Variants in DPP9 observed in about 807,000 individuals in gnomAD.
The protein encoded by DPP9 is dipeptidyl peptidase 9, also known as dipeptidyl peptidase IV-related protein-2.
DPP9 carries 50 observed loss-of-function variants against 110.7 expected under a neutral mutation model. That is an observed-to-expected ratio of 0.45 (90% CI 0.36 to 0.57). DPP9 has a LOEUF of 0.57. Ranked by LOEUF, DPP9 falls within the 20% of genes least tolerant of loss-of-function variation. DPP9 has a pLI of 0.00. For missense variants in DPP9, 1,022 were observed against 1,217.9 expected, an observed-to-expected ratio of 0.84 and a Z score of 2.39; for synonymous variants, 561 against 514.4, an observed-to-expected ratio of 1.09 and a Z score of -1.23.
At chr19:4,711,772 CAAAAAAAAAAAAAAAA>C (rs752279327) in intron 4 of DPP9, among the ~76,000 whole-genome samples, 1 of 44,336 alleles carries the variant, frequency 2.3e-5, no homozygotes, top group Admixed American at 3.1e-4. Context: ...GACTCCATCT[CAAAAAAAAAAAAAAAA>C]AAAAAAAAAA....
At chr19:4,678,119 T>C (rs2089161076) in intron 21 of DPP9, among the ~76,000 whole-genome samples, 1 of 151,952 alleles carries the variant, frequency 6.6e-6, no homozygotes, top group South Asian at 2.1e-4. Context: ...TTTTCTTTTT[T>C]TTTTTTCTTT....
intron 16 of DPP9, 130 bp downstream of exon 16, chr19:4,688,627 G>C: frequency 8.6e-7 from 1 of 1,161,252 alleles, no homozygotes; most frequent in Non-Finnish European, 1.1e-6. Flanking sequence ...TGCTTGGAGG[G>C]GCCTGGGTGC....
At position 4,700,327 on chromosome 19, in the gene DPP9, G is replaced by A; in HGVS notation, c.1013-50C>T. The A allele has an allele frequency of 6.6e-7, 1 of 1,516,490 alleles. No homozygotes were observed. Among genetic ancestry groups the A allele is most frequent in the Non-Finnish European group, 9.0e-7 (1 of 1,112,406 alleles). The allele number at this position is 1,516,490 out of a possible 1,614,324, so 93.9% of individuals were successfully genotyped here. A position where few individuals can be genotyped will look rare whatever the true frequency, so the allele number is the denominator to read the frequency against. On this transcript the variant is annotated intron_variant, in intron 9 of 21. Transcript: ENST00000262960. The surrounding 1 kb of genome is among the most constrained non-coding windows in gnomAD (Gnocchi z 4.3). ...CACCAGGCAGGCATCACCCGTGTGT[G>A]CCGAGAGCCGGCACGGGGGGCCTGG...
chr19:4,683,864 C>A (rs1327713785), intron 18 of DPP9: 17 of 1,502,234 alleles, frequency 1.1e-5, no homozygotes, highest in Non-Finnish European at 1.4e-5. Flanking sequence ...GGAGCCACGT[C>A]CCCTCTGAGG....
rs2092795918 is a variant in DPP9 at position 4,710,798 on chromosome 19, G to A, written c.313+3283C>T. Among the ~76,000 whole-genome samples the A allele has an allele frequency of 6.6e-6, 1 of 152,160 alleles. No individual in the cohort carries two copies. The highest frequency in any genetic ancestry group is 2.1e-4 in the South Asian group (1 of 4,824). ...CCTGACAGTGTGAAGTGACAGCCTG[G>A]AGTCGTTGAAGGGTGAATTTCACCC... On this transcript the variant is annotated intron_variant, in intron 4 of 21. Transcript: ENST00000262960. The surrounding 1 kb of genome is among the most constrained non-coding windows in gnomAD (Gnocchi z 5.6).
chr19:4,720,137 G>C (rs1156369943), intron 2 of DPP9, among the ~76,000 whole-genome samples, 196 bp from the exon 3 acceptor site: 1 of 152,208 alleles, frequency 6.6e-6, no homozygotes, highest in Non-Finnish European at 1.5e-5. Context: ...CTGGGCATTT[G>C]CCAGAGCCCG....
Position 4,685,762 on chromosome 19 carries a change from G to A in DPP9, c.1895C>T (p.Pro632Leu), listed in dbSNP as rs367776292. ...ASMMEAASCP[P>L]DYVPPEIFHF... ...GAAGATCTCTGGAGGAACATAATCC[G>A]GGGGGCAGCCTGCGGGAGACAGGGC... Residue 632 changes from proline (P) to leucine (L), a missense_variant, in exon 17 of 22, where the codon CCG (proline) becomes CTG (leucine). By Grantham distance (98) the Pro-to-Leu change is moderately conservative. This residue lies in a region of DPP9 where 810 missense variants were observed against 920.6 expected (regional missense o/e 0.88). Coordinates refer to ENST00000262960, the MANE Select transcript of DPP9 (RefSeq NM_139159.5). This position sits in a 1 kb window ranked among gnomAD's most constrained non-coding sequence, Gnocchi z 5.8. 1.2e-5 allele frequency: 20 copies of A among 1,612,532 alleles called. No homozygotes were observed. The highest frequency in any genetic ancestry group is 4.0e-5 in the African/African-American group (3 of 74,882).
chr19:4,714,512 G>C (rs2145916211), intron 3 of DPP9, among the ~76,000 whole-genome samples, 175 bp from the exon 4 acceptor site: 2 of 152,146 alleles, frequency 1.3e-5, no homozygotes, highest in Non-Finnish European at 2.9e-5. Context: ...CACTAATGCT[G>C]CTAAGATTCA....
chr19:4,713,501 T>C (rs1398885022), intron 4 of DPP9, among the ~76,000 whole-genome samples: 1 of 152,202 alleles, frequency 6.6e-6, no homozygotes, highest in Non-Finnish European at 1.5e-5. Context: ...GAGGAGGAAG[T>C]GTGGATCCAG....
At chr19:4,688,950 G>GT in intron 15 of DPP9, 58 bp from the exon 16 acceptor site, 1 of 1,485,486 alleles carries the variant, frequency 6.7e-7, no homozygotes, top group Non-Finnish European at 8.8e-7. Flanking sequence ...TTTCCACTGG[G>GT]TGCCGACCGC....
chr19:4,713,890 C>T (rs902026938), intron 4 of DPP9, among the ~76,000 whole-genome samples, 191 bp downstream of exon 4: 14 of 152,192 alleles, frequency 9.2e-5, no homozygotes, highest in Non-Finnish European at 1.9e-4. Context: ...GGGGGCCGCC[C>T]CACCCACCCC....
At chr19:4,703,194 G>GA (rs1555717602) in intron 7 of DPP9, among the ~76,000 whole-genome samples, 1 of 152,144 alleles carries the variant, frequency 6.6e-6, no homozygotes, top group Non-Finnish European at 1.5e-5. Flanking sequence ...GAACACGCAG[G>GA]AAGCAGGTGA....
chr19:4,692,409 G>A (rs1364298847), intron 13 of DPP9, among the ~76,000 whole-genome samples: 2 of 152,138 alleles, frequency 1.3e-5, no homozygotes, highest in Non-Finnish European at 2.9e-5. Context: ...TCTGGGTGTG[G>A]TTACTTGTGG....
rs1432828967 is a variant in DPP9, at chr19:4,695,633, G to A, written c.1176-78C>T. 2 of 1,297,262 alleles carry A rather than the reference G, an allele frequency of 1.5e-6. No individual in the cohort carries two copies. The highest frequency in any genetic ancestry group is 1.5e-5 in the African/African-American group (1 of 64,690). 80.4% of individuals were successfully genotyped at this position (1,297,262 alleles called of 1,614,324 possible). ...CCTGCACAGAGAAGCTGGGGACGCA[G>A]CGTCCAAACCCGTGTGGAATCAGGG... On this transcript the variant is annotated intron_variant, in intron 11 of 21. Coordinates refer to ENST00000262960, the MANE Select transcript of DPP9 (RefSeq NM_139159.5). The surrounding 1 kb of genome is among the most constrained non-coding windows in gnomAD (Gnocchi z 4.7).
Position 4,702,133 on chromosome 19 carries a change from CA to C in DPP9, c.905del (p.Leu302ArgfsTer23). 6.2e-7 allele frequency: 1 copy of C among 1,613,582 alleles called. No homozygotes were observed. ...SWEGSEGLKT[L>X]RILYEEVDES... ...CATCGACTTCCTCATACAGGATTCG[CA>C]GCGTCTTGAGGCCCTCTGAACCTTG... On this transcript the variant is annotated frameshift_variant, in exon 9 of 22. Coordinates refer to ENST00000262960, the MANE Select transcript of DPP9 (RefSeq NM_139159.5). LOFTEE classifies it high-confidence loss of function.
At position 4,715,004 on chromosome 19, in the gene DPP9, G is replaced by C. The variant is rs12462642; in HGVS notation, c.57-667C>G. 3.3e-5 allele frequency among the ~76,000 whole-genome samples: 4 copies of C among 119,516 alleles called. No individual in the cohort carries two copies. The East Asian group carries it at 1.1e-3, about 34-fold the overall frequency. The allele number at this position is 119,516 out of a possible 152,430, so 78.4% of individuals were successfully genotyped here. Reference sequence around the variant, plus strand: ...ACTTTGCTTAACTTCTTTGATATATGTTTATATATATATACTTTTTTTTTT... The same window carrying C: ...ACTTTGCTTAACTTCTTTGATATATCTTTATATATATATACTTTTTTTTTT... On this transcript the variant is annotated intron_variant, in intron 3 of 21. Transcript: ENST00000262960.
At chr19:4,720,290 T>G (rs2093263063) in intron 2 of DPP9, among the ~76,000 whole-genome samples, 1 of 152,204 alleles carries the variant, frequency 6.6e-6, no homozygotes, top group Admixed American at 6.5e-5. Context: ...ATGGCCCTGG[T>G]GACCTTGCCT....
In DPP9 at chr19:4,719,940, G is replaced by A. The variant is rs1347906811; in HGVS notation, c.-34C>T. 1 of 1,551,358 alleles carries A rather than the reference G, an allele frequency of 6.4e-7. No homozygotes were observed. The highest frequency in any genetic ancestry group is 1.2e-5 in the South Asian group (1 of 84,058). On this transcript the variant is annotated splice_region_variant and 5_prime_UTR_variant, in exon 3 of 22. Transcript: ENST00000262960. ...CAGCTGACCTCAGGAGGGCAGGGGT[G>A]CCTGCGGGCAAGTGGGAGGAGAGAT...
Position 4,687,296 on chromosome 19 carries a change from C to G in DPP9, c.1885+1461G>C, listed in dbSNP as rs2090847425. On this transcript the variant is annotated intron_variant, in intron 16 of 21. Coordinates refer to ENST00000262960, the MANE Select transcript of DPP9 (RefSeq NM_139159.5). This position sits in a 1 kb window ranked among gnomAD's most constrained non-coding sequence, Gnocchi z 4.7. Reference sequence around the variant, plus strand: ...CGTTGTGTTTAGAATGTTCTGGAAACCCACCAACATGGCAGAGACAGGGCC... The same window carrying G: ...CGTTGTGTTTAGAATGTTCTGGAAAGCCACCAACATGGCAGAGACAGGGCC... Among the ~76,000 whole-genome samples, 1 of 152,194 alleles carries G rather than the reference C, an allele frequency of 6.6e-6. No individual in the cohort carries two copies. Among genetic ancestry groups the G allele is most frequent in the Non-Finnish European group, 1.5e-5 (1 of 68,028 alleles).
Sources: gnomAD v4.1 joint callset for allele counts (sites outside exome capture counted in the v4.1 genomes callset) on GRCh38, gnomAD v4.1.1 for gene constraint, gnomAD v4.1.1 regional missense constraint, Gnocchi (gnomAD v3.1) non-coding constraint, MANE v1.5 for transcripts, NCBI Gene and HGNC (gene_info 2026-07-23, HGNC 2026-07-21) for gene names.